The following LRFN5 variants were observed in gnomAD, a reference collection of about 807,000 sequenced individuals.
LRFN5 encodes the protein leucine rich repeat and fibronectin type III domain containing 5.
In LRFN5, 24 loss-of-function variants were observed where a neutral mutation model predicts 45.6. The ratio of observed to expected loss-of-function variants is 0.53; its 90% CI spans 0.38 to 0.74. The LOEUF is 0.74. LRFN5 is among the 30% of genes least tolerant of loss of function. LRFN5 has a pLI of 0.00. For missense variants in LRFN5, 776 were observed against 861.5 expected, an observed-to-expected ratio of 0.90 and a Z score of 1.24; for synonymous variants, 340 against 313.8, an observed-to-expected ratio of 1.08 and a Z score of -0.88.
intron 2 of LRFN5, among the ~76,000 whole-genome samples, chr14:41,775,166 A>C (rs367748993): frequency 3.4e-4 from 47 of 137,304 alleles, no homozygotes; most frequent in African/African-American, 1.1e-3. Flanking sequence ...TCTCGGCTCA[A>C]TGCAAGCTCC....
intron 1 of LRFN5, among the ~76,000 whole-genome samples, chr14:41,716,850 A>G (rs1883514678): frequency 6.6e-6 from 1 of 152,178 alleles, no homozygotes; most frequent in Admixed American, 6.5e-5. Flanking sequence ...TTCACCATGC[A>G]TTTTGAAGGG....
chr14:41,760,439 A>T (rs1566657543), intron 1 of LRFN5, among the ~76,000 whole-genome samples: 2 of 152,182 alleles, frequency 1.3e-5, no homozygotes, highest in Admixed American at 1.3e-4. Context: ...TACTTGTATT[A>T]TGAATATTAA....
intron 2 of LRFN5, among the ~76,000 whole-genome samples, chr14:41,856,672 A>ATTTT (rs1889465921): frequency 6.7e-4 from 4 of 5,984 alleles, no homozygotes; most frequent in Non-Finnish European, 1.9e-3. Flanking sequence ...TATTATTATT[A>ATTTT]TTATTTTTTT....
chr14:41,898,838 A>G, intron 4 of LRFN5, 79 bp from the exon 5 acceptor site: 1 of 1,337,296 alleles, frequency 7.5e-7, no homozygotes, highest in African/African-American at 1.5e-5. Context: ...AGTATTACCA[A>G]GATTTCAGTA....
At chr14:41,807,543 G>C (rs1887565918) in intron 2 of LRFN5, among the ~76,000 whole-genome samples, 2 of 152,074 alleles carry the variant, frequency 1.3e-5, no homozygotes, top group South Asian at 4.2e-4. Context: ...CATGATCTAG[G>C]CACTGAAATC....
In LRFN5 at chr14:41,886,903, A is replaced by T; in HGVS notation, c.278A>T (p.His93Leu). 6.2e-7 allele frequency: 1 copy of T among 1,614,086 alleles called. No homozygotes were observed. Among genetic ancestry groups the T allele is most frequent in the Non-Finnish European group, 8.5e-7 (1 of 1,179,910 alleles). ...SRNTISFITP[H>L]AFADLRNLRA... ...AATACAATAAGTTTTATTACACCTCATGCTTTCGCTGACCTACGAAATTTG... is the reference window on the plus strand; with the variant it reads ...AATACAATAAGTTTTATTACACCTCTTGCTTTCGCTGACCTACGAAATTTG... The change falls in exon 3 of 6, where the codon CAT becomes CTT. Residue 93 changes from histidine (H) to leucine (L), a missense_variant. Around this residue, in one of 2 missense-constraint regions of LRFN5, gnomAD observed 311 missense variants for 405.1 expected, o/e 0.77. Transcript: ENST00000298119.
intron 1 of LRFN5, among the ~76,000 whole-genome samples, chr14:41,654,632 T>A (rs1165031889): frequency 1.3e-5 from 2 of 152,034 alleles, no homozygotes; most frequent in African/African-American, 4.8e-5. Context: ...ACTCAATACA[T>A]TTTCAAGAAG....
chr14:41,708,868 A>G (rs1034731623), intron 1 of LRFN5, among the ~76,000 whole-genome samples: 2 of 151,976 alleles, frequency 1.3e-5, no homozygotes, highest in Non-Finnish European at 2.9e-5. Flanking sequence ...TTTTATCAGG[A>G]GGTACATTGT....
At chr14:41,612,817 C>T (rs1594548690) in intron 1 of LRFN5, among the ~76,000 whole-genome samples, 1 of 152,026 alleles carries the variant, frequency 6.6e-6, no homozygotes, top group African/African-American at 2.4e-5. Context: ...GCTCTACCAA[C>T]ATAAATTGTA....
intron 1 of LRFN5, among the ~76,000 whole-genome samples, chr14:41,672,375 T>C (rs1164245002): frequency 1.3e-5 from 2 of 152,304 alleles, no homozygotes; most frequent in East Asian, 3.9e-4. Flanking sequence ...TTTCAGAACA[T>C]AGTTTAAGTG....
chr14:41,709,286 G>T (rs1454803613), intron 1 of LRFN5, among the ~76,000 whole-genome samples: 2 of 151,872 alleles, frequency 1.3e-5, no homozygotes, highest in African/African-American at 4.8e-5. Context: ...AGATTCCTTT[G>T]GTTGTTTCCT....
intron 1 of LRFN5, among the ~76,000 whole-genome samples, chr14:41,734,159 G>A (rs1467276939): frequency 5.5e-5 from 8 of 144,162 alleles, no homozygotes; most frequent in Admixed American, 1.4e-4. Context: ...CTGAGTAGCC[G>A]GGATTACAGG....
rs751103272 is a variant in LRFN5 at position 41,887,681 on chromosome 14, A to G, written c.1056A>G (p.Thr352=). ...TTCTTATCACAACTGTAAAGGATAC[A>G]GGTGCTTTTACCTGCATTGCTTCCA... is the stretch of plus-strand genomic sequence containing the variant. ...LDILITTVKD[T]GAFTCIASNP... Residue 352 remains threonine (T), a synonymous_variant, in exon 3 of 6, where the codon ACA becomes ACG. Transcript: ENST00000298119. This position sits in a 1 kb window ranked among gnomAD's most constrained non-coding sequence, Gnocchi z 4.8. The G allele has an allele frequency of 6.2e-7, 1 of 1,614,214 alleles. No homozygotes were observed. Among genetic ancestry groups the G allele is most frequent in the Non-Finnish European group, 8.5e-7 (1 of 1,180,030 alleles).
intron 1 of LRFN5, among the ~76,000 whole-genome samples, chr14:41,720,200 C>T (rs1186352410): frequency 2.0e-5 from 3 of 152,000 alleles, no homozygotes; most frequent in African/African-American, 7.2e-5. Flanking sequence ...CTCCCAATTG[C>T]AAGTAGAACA....
In LRFN5 at chr14:41,858,392, A is replaced by T. The variant is rs561669855; in HGVS notation, c.-20-28214A>T. On this transcript the variant is annotated intron_variant, in intron 2 of 5. Transcript: ENST00000298119. ...CTCAAATGCCTATTTCCAGTAAAAA[A>T]TTTCTCTGATTCTACCCATAATACA... is the stretch of plus-strand genomic sequence containing the variant. Among the ~76,000 whole-genome samples the T allele has an allele frequency of 3.3e-5, 5 of 152,150 alleles. No homozygotes were observed. The East Asian group carries it at 9.7e-4, about 29-fold the overall frequency.
intron 1 of LRFN5, among the ~76,000 whole-genome samples, chr14:41,754,158 C>T (rs184197877): frequency 2.0e-3 from 305 of 152,166 alleles, no homozygotes; most frequent in African/African-American, 7.1e-3. Flanking sequence ...CTGCTGGATT[C>T]GGTTTGCCAG....
At chr14:41,867,394 A>G (rs985145132) in intron 2 of LRFN5, among the ~76,000 whole-genome samples, 2 of 152,026 alleles carry the variant, frequency 1.3e-5, no homozygotes, top group Non-Finnish European at 2.9e-5. Context: ...ATGGGTGCAC[A>G]TGGTGAAAAT....
intron 2 of LRFN5, among the ~76,000 whole-genome samples, chr14:41,862,076 A>G (rs1053893110): frequency 6.6e-6 from 1 of 152,162 alleles, no homozygotes; most frequent in Non-Finnish European, 1.5e-5. Flanking sequence ...TTGTCATGTA[A>G]GACGTGCCAT....
At chr14:41,716,139 G>A (rs1438008277) in intron 1 of LRFN5, among the ~76,000 whole-genome samples, 1 of 152,112 alleles carries the variant, frequency 6.6e-6, no homozygotes, top group Non-Finnish European at 1.5e-5. Context: ...ACACAGCACG[G>A]GGACCCTGGG....
Sources: gnomAD v4.1 joint callset for allele counts (sites outside exome capture counted in the v4.1 genomes callset) on GRCh38, gnomAD v4.1.1 for gene constraint, gnomAD v4.1.1 regional missense constraint, Gnocchi (gnomAD v3.1) non-coding constraint, MANE v1.5 for transcripts, NCBI Gene and HGNC (gene_info 2026-07-23, HGNC 2026-07-21) for gene names.